Variants in TMEM163 observed in about 807,000 individuals in gnomAD.
TMEM163 encodes the protein transmembrane protein 163.
TMEM163 carries 17 observed loss-of-function variants against 29.3 expected under a neutral mutation model. The ratio of observed to expected loss-of-function variants is 0.58; its 90% CI spans 0.40 to 0.87. The LOEUF (loss-of-function observed/expected upper bound fraction) is 0.87. Ranked by LOEUF, TMEM163 falls within the 40% of genes least tolerant of loss-of-function variation. The pLI, the probability that TMEM163 is intolerant of heterozygous loss-of-function variation, is 0.00. For synonymous variants in TMEM163, 157 were observed against 160.6 expected, an observed-to-expected ratio of 0.98 and a Z score of 0.17; for missense variants, 303 against 381.5, an observed-to-expected ratio of 0.79 and a Z score of 1.71.
chr2:134,713,477 T>C, intron 1 of TMEM163, 158 bp from the exon 2 acceptor site: 4 of 1,091,308 alleles, frequency 3.7e-6, no homozygotes, highest in Non-Finnish European at 4.1e-6. Context: ...AGATTTCACA[T>C]GAAAATCAAG....
At chr2:134,512,334 T>C (rs1229135867) in intron 4 of TMEM163, among the ~76,000 whole-genome samples, 1 of 152,068 alleles carries the variant, frequency 6.6e-6, no homozygotes, top group Non-Finnish European at 1.5e-5. Flanking sequence ...GGCACACATC[T>C]GTAGTCCCAG....
chr2:134,481,962 C>T (rs1316627169), intron 5 of TMEM163, among the ~76,000 whole-genome samples: 1 of 152,170 alleles, frequency 6.6e-6, no homozygotes, highest in Non-Finnish European at 1.5e-5. Context: ...ACCCCACCAT[C>T]TCTCCCCATC....
intron 2 of TMEM163, among the ~76,000 whole-genome samples, chr2:134,703,697 C>T (rs1226544987): frequency 6.6e-6 from 1 of 151,826 alleles, no homozygotes; most frequent in Non-Finnish European, 1.5e-5. Flanking sequence ...AGCATTGGAA[C>T]CCTGTTATTT....
At chr2:134,592,884 A>C (rs987545430) in intron 2 of TMEM163, among the ~76,000 whole-genome samples, 6 of 152,178 alleles carry the variant, frequency 3.9e-5, no homozygotes, top group African/African-American at 1.4e-4. Context: ...AGATAGATAG[A>C]TAGATAGACC....
intron 2 of TMEM163, among the ~76,000 whole-genome samples, chr2:134,707,512 A>C (rs563893589): frequency 4.6e-5 from 7 of 152,312 alleles, no homozygotes; most frequent in African/African-American, 1.4e-4. Context: ...ACGACCAGCA[A>C]ACTACGCAAA....
chr2:134,463,599 G>A (rs1686598859), intron 6 of TMEM163, among the ~76,000 whole-genome samples: 1 of 152,242 alleles, frequency 6.6e-6, no homozygotes, highest in South Asian at 2.1e-4. Context: ...TCAGTATGCT[G>A]TGTCATTCTC....
intron 4 of TMEM163, among the ~76,000 whole-genome samples, chr2:134,525,516 C>A (rs1009127635): frequency 2.0e-4 from 31 of 152,188 alleles, no homozygotes; most frequent in African/African-American, 7.2e-4. Context: ...CGCTGGGGAG[C>A]ACTGGAAGGG....
At chr2:134,550,452 G>A (rs1680889068) in intron 4 of TMEM163, 118 bp downstream of exon 4, 3 of 900,078 alleles carry the variant, frequency 3.3e-6, no homozygotes, top group South Asian at 3.0e-5. Context: ...AAGCAACCTG[G>A]GGACCTTCTT....
intron 2 of TMEM163, among the ~76,000 whole-genome samples, chr2:134,626,498 C>G (rs1682854507): frequency 6.6e-6 from 1 of 152,158 alleles, no homozygotes; most frequent in South Asian, 2.1e-4. Flanking sequence ...CTCTTCTGAC[C>G]TTGACCCTCC....
chr2:134,490,455 C>T (rs899962253), intron 5 of TMEM163, among the ~76,000 whole-genome samples: 8 of 152,168 alleles, frequency 5.3e-5, no homozygotes, highest in Non-Finnish European at 1.5e-5. Context: ...CCACAGTCAG[C>T]CTGGCTTCCA....
chr2:134,684,382 G>C (rs1265406124), intron 2 of TMEM163, among the ~76,000 whole-genome samples: 1 of 152,170 alleles, frequency 6.6e-6, no homozygotes, highest in Non-Finnish European at 1.5e-5. Flanking sequence ...CAGCAGTGCT[G>C]TGGGATGGTA....
chr2:134,655,571 C>G, intron 2 of TMEM163, among the ~76,000 whole-genome samples: 1 of 141,646 alleles, frequency 7.1e-6, no homozygotes, highest in Non-Finnish European at 1.5e-5. Flanking sequence ...CTCCATCCAG[C>G]TTTGTTCCGT....
intron 2 of TMEM163, among the ~76,000 whole-genome samples, chr2:134,594,825 T>C (rs1198343956): frequency 6.6e-6 from 1 of 151,484 alleles, no homozygotes; most frequent in Non-Finnish European, 1.5e-5. Context: ...TACAATAATA[T>C]GCTACATGGA....
At chr2:134,686,659 T>A (rs147553789) in intron 2 of TMEM163, among the ~76,000 whole-genome samples, 207 of 152,276 alleles carry the variant, frequency 1.4e-3, no homozygotes, top group African/African-American at 4.9e-3. Flanking sequence ...ATAAATACAT[T>A]TGATACAAAT....
At chr2:134,595,686 G>T (rs975943281) in intron 2 of TMEM163, among the ~76,000 whole-genome samples, 2 of 152,152 alleles carry the variant, frequency 1.3e-5, no homozygotes, top group African/African-American at 4.8e-5. Flanking sequence ...TTGAGGAATC[G>T]CCACACTGTC....
intron 4 of TMEM163, among the ~76,000 whole-genome samples, chr2:134,525,794 T>C (rs1227771995): frequency 6.6e-6 from 1 of 152,220 alleles, no homozygotes; most frequent in East Asian, 1.9e-4. Context: ...GACACCTAGC[T>C]GGACCTGAGG....
chr2:134,531,929 A>G (rs1680424741), intron 4 of TMEM163, among the ~76,000 whole-genome samples: 1 of 152,182 alleles, frequency 6.6e-6, no homozygotes, highest in South Asian at 2.1e-4. Context: ...GACCAACCCC[A>G]TCCTGAAGCT....
At chr2:134,660,850 C>T (rs1683731418) in intron 2 of TMEM163, among the ~76,000 whole-genome samples, 2 of 150,606 alleles carry the variant, frequency 1.3e-5, no homozygotes, top group African/African-American at 4.9e-5. Context: ...AGTAGTATTT[C>T]CTGATAGTTC....
chr2:134,616,173 A>T (rs186842656), intron 2 of TMEM163, among the ~76,000 whole-genome samples: 2 of 152,262 alleles, frequency 1.3e-5, no homozygotes, highest in East Asian at 3.9e-4. Context: ...TGCTCAACGT[A>T]TTTTGCTTAC....
Sources: allele counts gnomAD v4.1 joint callset (sites outside exome capture counted in the v4.1 genomes callset), GRCh38; gene constraint gnomAD v4.1.1; transcripts MANE v1.5; gene names NCBI Gene and HGNC (gene_info 2026-07-23, HGNC 2026-07-21).